The following MACROD2 variants were observed in gnomAD, a reference collection of about 807,000 sequenced individuals.
MACROD2 encodes the protein ADP-ribose glycohydrolase MACROD2.
In MACROD2, 36 loss-of-function variants were observed where a neutral mutation model predicts 70.4. The observed-to-expected ratio is 0.51, with a 90% CI of 0.39 to 0.68. The LOEUF is 0.68. Among genes scored for constraint, MACROD2 ranks in the 30% least tolerant of loss-of-function variants. The pLI is 0.00. For synonymous variants in MACROD2, 172 were observed against 178.8 expected (o/e 0.96, Z 0.30); for missense variants, 496 against 538.4 (o/e 0.92, Z 0.78).
chr20:15,673,848 C>T lies in MACROD2; in HGVS notation c.645+174001C>T, dbSNP rs376606823. ...CTATCGCATCCAATAGAAATTTCTG[C>T]CCTTAAATGTTCCACGTCTGCCCTG... is the stretch of plus-strand genomic sequence containing the variant. On this transcript the variant is annotated intron_variant, in intron 8 of 17. Transcript: ENST00000684519. Among the ~76,000 whole-genome samples, 40 of 151,304 alleles carry T rather than the reference C, an allele frequency of 2.6e-4. No individual in the cohort carries two copies. The South Asian group carries it at 8.2e-3, about 31-fold the overall frequency.
intron 8 of MACROD2, among the ~76,000 whole-genome samples, chr20:15,581,948 C>A (rs962980310): frequency 1.3e-5 from 2 of 152,084 alleles, no homozygotes; most frequent in Non-Finnish European, 2.9e-5. Flanking sequence ...ATGGGGAAAC[C>A]CCGTCTCTAC....
intron 6 of MACROD2, among the ~76,000 whole-genome samples, chr20:15,248,728 A>G (rs180752428): frequency 1.0e-3 from 157 of 152,284 alleles, no homozygotes; most frequent in Non-Finnish European, 7.1e-4. Flanking sequence ...AATGTCACTG[A>G]CATGAGTCTT....
intron 4 of MACROD2, among the ~76,000 whole-genome samples, chr20:14,502,514 C>T (rs2084925837): frequency 6.6e-6 from 1 of 152,034 alleles, no homozygotes; most frequent in African/African-American, 2.4e-5. Context: ...GTTTCCTGTT[C>T]TAAAATGATG....
At chr20:15,142,508 ACTT>A (rs1473332660) in intron 5 of MACROD2, among the ~76,000 whole-genome samples, 1 of 151,890 alleles carries the variant, frequency 6.6e-6, no homozygotes, top group African/African-American at 2.4e-5. Flanking sequence ...CATTTTTACT[ACTT>A]TTATTTTTTT....
rs189473760 is a variant in MACROD2, at chr20:15,017,674, C to T, written c.419-212266C>T. The stretch of plus-strand genomic sequence containing the variant: ...TTCTTCCTGGGCATCCAGGCATTTC[C>T]GTACATCTTCTGAAATCTAGAAGGA... On this transcript the variant is annotated intron_variant, in intron 5 of 17. Transcript: ENST00000684519. 4.9e-3 allele frequency among the ~76,000 whole-genome samples: 743 copies of T among 152,338 alleles called. 11 individuals carry two copies. The highest frequency in any genetic ancestry group is 7.9e-3 in the Non-Finnish European group (536 of 68,016).
chr20:14,481,226 C>G (rs1432332579), intron 3 of MACROD2, among the ~76,000 whole-genome samples: 1 of 152,068 alleles, frequency 6.6e-6, no homozygotes, highest in Non-Finnish European at 1.5e-5. Context: ...CTAAATTTAG[C>G]TCAAGTCTTT....
At chr20:15,547,916 T>A (rs2048045622) in intron 8 of MACROD2, among the ~76,000 whole-genome samples, 3 of 152,210 alleles carry the variant, frequency 2.0e-5, no homozygotes, top group Admixed American at 2.0e-4. Flanking sequence ...TCTCTAGTAA[T>A]TGTGTCTCAG....
intron 16 of MACROD2, among the ~76,000 whole-genome samples, chr20:16,043,909 T>C (rs963996042): frequency 3.9e-5 from 6 of 152,122 alleles, no homozygotes; most frequent in African/African-American, 1.4e-4. Context: ...AATCATAATA[T>C]GTACATCCAA....
At chr20:14,924,527 A>T (rs1275088372) in intron 5 of MACROD2, among the ~76,000 whole-genome samples, 1 of 152,210 alleles carries the variant, frequency 6.6e-6, no homozygotes, top group African/African-American at 2.4e-5. Flanking sequence ...ACAATATCAA[A>T]GGAATAAGAT....
chr20:14,857,510 T>C (rs1304709276), intron 5 of MACROD2, among the ~76,000 whole-genome samples: 1 of 152,184 alleles, frequency 6.6e-6, no homozygotes, highest in Non-Finnish European at 1.5e-5. Context: ...ATCAAGCAAA[T>C]TTCTATAGTT....
intron 8 of MACROD2, among the ~76,000 whole-genome samples, chr20:15,834,872 C>T (rs754474923): frequency 1.3e-5 from 2 of 152,140 alleles, no homozygotes; most frequent in Non-Finnish European, 1.5e-5. Context: ...TCATGAATAT[C>T]GCACTCCCCT....
At chr20:15,841,334 C>T (rs1054729766) in intron 8 of MACROD2, among the ~76,000 whole-genome samples, 4 of 152,112 alleles carry the variant, frequency 2.6e-5, no homozygotes, top group African/African-American at 9.7e-5. Context: ...TCCATTCTCA[C>T]ATCGCCATAA....
intron 6 of MACROD2, among the ~76,000 whole-genome samples, chr20:15,334,436 AG>A (rs2078026473): frequency 6.6e-6 from 1 of 151,726 alleles, no homozygotes; most frequent in East Asian, 1.9e-4. Context: ...GAGCCAGACA[AG>A]GTAGTTCTGA....
chr20:15,218,654 A>C (rs2076831534), intron 5 of MACROD2, among the ~76,000 whole-genome samples: 1 of 152,188 alleles, frequency 6.6e-6, no homozygotes. Flanking sequence ...CAAACTCTTT[A>C]AGAAGTGCTT....
chr20:14,756,481 AT>A (rs780369890), intron 5 of MACROD2, among the ~76,000 whole-genome samples: 9 of 152,094 alleles, frequency 5.9e-5, no homozygotes, highest in Non-Finnish European at 1.0e-4. Context: ...ATGTATCCTG[AT>A]TATTAATTAT....
intron 5 of MACROD2, among the ~76,000 whole-genome samples, chr20:15,156,065 A>G (rs1352535148): frequency 6.6e-6 from 1 of 152,180 alleles, no homozygotes; most frequent in Non-Finnish European, 1.5e-5. Flanking sequence ...AGATGATGGT[A>G]CTTACACAGG....
Position 15,314,241 on chromosome 20 carries a change from A to G in MACROD2, c.540+84180A>G, listed in dbSNP as rs528213657. ...TTGTCAGCACGCTGGAAAACAGTCAAATGTTTACAGCAACCAAGTGAATGC... is the reference window on the plus strand; with the variant it reads ...TTGTCAGCACGCTGGAAAACAGTCAGATGTTTACAGCAACCAAGTGAATGC... On this transcript the variant is annotated intron_variant, in intron 6 of 17. Coordinates refer to ENST00000684519, the MANE Select transcript of MACROD2 (RefSeq NM_001351661.2). Among the ~76,000 whole-genome samples the G allele has an allele frequency of 3.9e-5, 6 of 152,242 alleles. No individual in the cohort carries two copies. In the East Asian group the frequency reaches 5.8e-4, roughly 15 times the overall value.
At chr20:15,061,928 C>T (rs1485438182) in intron 5 of MACROD2, among the ~76,000 whole-genome samples, 4 of 152,076 alleles carry the variant, frequency 2.6e-5, no homozygotes, top group African/African-American at 9.7e-5. Flanking sequence ...TTGATATGCA[C>T]CTCTACAGGT....
intron 4 of MACROD2, among the ~76,000 whole-genome samples, chr20:14,495,551 G>C (rs1600302195): frequency 6.6e-6 from 1 of 152,152 alleles, no homozygotes; most frequent in East Asian, 1.9e-4. Context: ...GGAGGAAGGG[G>C]AGAATGGAGG....
Sources: gnomAD v4.1 joint callset for allele counts (sites outside exome capture counted in the v4.1 genomes callset) on GRCh38, gnomAD v4.1.1 for gene constraint, MANE v1.5 for transcripts, NCBI Gene and HGNC (gene_info 2026-07-23, HGNC 2026-07-21) for gene names.